COL19A1: variants seen among roughly 807,000 people sequenced by gnomAD.
The protein encoded by COL19A1 is collagen alpha-1(XIX) chain.
A neutral mutation model predicts 190.2 loss-of-function variants in COL19A1; 159 were observed. The ratio of observed to expected loss-of-function variants is 0.84; its 90% CI spans 0.73 to 0.95. COL19A1 has a LOEUF of 0.95. Ranked by LOEUF, COL19A1 falls within the 40% of genes least tolerant of loss-of-function variation. The pLI is 0.00. For missense variants in COL19A1, 1,418 were observed against 1,431.9 expected (o/e 0.99, Z 0.16); for synonymous variants, 509 against 458.9 (o/e 1.11, Z -1.39).
chr6:69,935,010 T>C (rs562319470), intron 7 of COL19A1, among the ~76,000 whole-genome samples: 1 of 152,126 alleles, frequency 6.6e-6, no homozygotes, highest in South Asian at 2.1e-4. Context: ...GTTGTCAATA[T>C]TTTATAAAGC....
chr6:70,171,342 A>T (rs1449085328), intron 40 of COL19A1, among the ~76,000 whole-genome samples: 2 of 152,150 alleles, frequency 1.3e-5, no homozygotes, highest in Non-Finnish European at 2.9e-5. Flanking sequence ...GAGGATCTAC[A>T]GGCTCCAGCT....
intron 12 of COL19A1, among the ~76,000 whole-genome samples, chr6:70,030,399 A>G (rs7763659): frequency 0.024 from 3,616 of 152,248 alleles, 139 homozygotes; most frequent in African/African-American, 0.082. Context: ...CCAGAACTCA[A>G]TGTGAGAACT....
At chr6:70,159,083 A>C (rs1230969071) in intron 34 of COL19A1, among the ~76,000 whole-genome samples, 1 of 151,930 alleles carries the variant, frequency 6.6e-6, no homozygotes, top group Non-Finnish European at 1.5e-5. Context: ...CAAGCTTATA[A>C]ATTAGACTAT....
At position 69,921,542 on chromosome 6, in the gene COL19A1, ATATATATTCATATATATATTCG is replaced by A. The variant is rs1275409868; in HGVS notation, c.267-6349_267-6328del. ...TATTCATATATATTCATGTATATTC[ATATATATTCATATATATATTCG>A]TATATATTCATATATATTCGCACAT... is the stretch of plus-strand genomic sequence containing the variant. On this transcript the variant is annotated intron_variant, in intron 4 of 50. Transcript: ENST00000620364. 3.7e-5 allele frequency among the ~76,000 whole-genome samples: 5 copies of A among 135,194 alleles called. No homozygotes were observed. The Admixed American group carries it at 3.9e-4, about 11-fold the overall frequency. 88.7% of individuals were successfully genotyped at this position (135,194 alleles called of 152,430 possible).
intron 11 of COL19A1, among the ~76,000 whole-genome samples, chr6:69,975,405 C>A (rs1184032615): frequency 6.6e-6 from 1 of 152,120 alleles, no homozygotes; most frequent in Admixed American, 6.5e-5. Context: ...CATCCTGGCT[C>A]CTGGACAGCT....
At chr6:69,971,805 T>A (rs2150055665) in intron 11 of COL19A1, among the ~76,000 whole-genome samples, 1 of 152,338 alleles carries the variant, frequency 6.6e-6, no homozygotes, top group East Asian at 1.9e-4. Context: ...TCTCTCCATC[T>A]ACCCCAGTGT....
At position 70,168,559 on chromosome 6, in the gene COL19A1, C is replaced by T. The variant is rs993511106; in HGVS notation, c.2542-96C>T. On this transcript the variant is annotated intron_variant, in intron 39 of 50. Transcript: ENST00000620364. ...AATTAAAGCAAAACTTGCTAATATT[C>T]GTATGTGTATTAAGGCAAATTGGAC... 1.1e-4 allele frequency: 125 copies of T among 1,094,180 alleles called. No homozygotes were observed. The African/African-American group carries it at 1.5e-3, about 13-fold the overall frequency. 67.8% of individuals were successfully genotyped at this position (1,094,180 alleles called of 1,614,324 possible).
chr6:69,897,144 G>GT (rs1210781815), intron 2 of COL19A1, among the ~76,000 whole-genome samples: 12 of 152,240 alleles, frequency 7.9e-5, no homozygotes, highest in Admixed American at 3.3e-4. Flanking sequence ...TCTTTAGTTA[G>GT]TTTTTGTGCA....
Position 70,156,336 on chromosome 6 carries a change from T to A in COL19A1, c.2205T>A (p.Gly735=). 1 of 1,613,140 alleles carries A rather than the reference T, an allele frequency of 6.2e-7. No homozygotes were observed. Among genetic ancestry groups the A allele is most frequent in the East Asian group, 2.2e-5 (1 of 44,822 alleles). ...MARKGDIGPR[G]PPGIPGREGP... The stretch of plus-strand genomic sequence containing the variant: ...TCTAGGGTGATATAGGGCCACGGGG[T>A]CCTCCAGGAATCCCAGGAAGAGAGG... The change falls in exon 33 of 51, where the codon GGT becomes GGA. Residue 735 remains glycine, a synonymous_variant. Coordinates refer to ENST00000620364, the MANE Select transcript of COL19A1 (RefSeq NM_001858.6).
chr6:69,901,000 G>A (rs1770155456), intron 4 of COL19A1, among the ~76,000 whole-genome samples: 1 of 152,050 alleles, frequency 6.6e-6, no homozygotes, highest in African/African-American at 2.4e-5. Flanking sequence ...CCATATAGTT[G>A]GCAATAATTA....
At chr6:70,093,970 T>C (rs1783087250) in intron 15 of COL19A1, among the ~76,000 whole-genome samples, 1 of 152,198 alleles carries the variant, frequency 6.6e-6, no homozygotes, top group Non-Finnish European at 1.5e-5. Flanking sequence ...TTTCCTTAGC[T>C]CTGAACCTAT....
At chr6:70,204,589 G>A (rs1037384100) in intron 49 of COL19A1, among the ~76,000 whole-genome samples, 4 of 152,222 alleles carry the variant, frequency 2.6e-5, no homozygotes, top group East Asian at 1.9e-4. Context: ...CACATGAACC[G>A]AAATGCATGC....
intron 2 of COL19A1, among the ~76,000 whole-genome samples, chr6:69,896,026 G>A (rs192257055): frequency 6.6e-6 from 1 of 152,150 alleles, no homozygotes; most frequent in African/African-American, 2.4e-5. Context: ...TATATATTTA[G>A]CTTTAGTAAA....
At chr6:70,192,835 A>G (rs556270) in intron 48 of COL19A1, among the ~76,000 whole-genome samples, 108,173 of 151,794 alleles carry the variant, frequency 0.71, 39,325 homozygotes, top group African/African-American at 0.86. Flanking sequence ...AATCTCAGAT[A>G]GTATCCATGC....
Position 70,210,067 on chromosome 6 carries a change from G to A in COL19A1, c.*2793G>A, listed in dbSNP as rs1020832101. The A allele has an allele frequency of 6.6e-5, 10 of 152,122 alleles. No homozygotes were observed. Among genetic ancestry groups the A allele is most frequent in the African/African-American group, 2.4e-4 (10 of 41,444 alleles). 9.4% of individuals were successfully genotyped at this position (152,122 alleles called of 1,614,324 possible). On this transcript the variant is annotated 3_prime_UTR_variant, in exon 51 of 51. Coordinates refer to ENST00000620364, the MANE Select transcript of COL19A1 (RefSeq NM_001858.6). ...GATGTTAATGATGTTCAAAGCAGGG[G>A]AGAAGAATTATTCAATTTCATGAAT...
intron 11 of COL19A1, among the ~76,000 whole-genome samples, chr6:69,965,801 C>T (rs1385215914): frequency 3.3e-5 from 5 of 152,144 alleles, no homozygotes; most frequent in Non-Finnish European, 5.9e-5. Flanking sequence ...TTCACCATCC[C>T]TAGCTGGCAA....
intron 4 of COL19A1, among the ~76,000 whole-genome samples, chr6:69,915,198 A>G (rs570004594): frequency 6.6e-6 from 1 of 152,352 alleles, no homozygotes; most frequent in South Asian, 2.1e-4. Context: ...TATACTAATA[A>G]GTAAACAAAT....
intron 4 of COL19A1, among the ~76,000 whole-genome samples, chr6:69,903,327 T>C (rs7747604): frequency 0.15 from 23,580 of 152,152 alleles, 2,273 homozygotes; most frequent in African/African-American, 0.26. Flanking sequence ...CATGGCCTTA[T>C]CTTGCATTAG....
intron 4 of COL19A1, among the ~76,000 whole-genome samples, chr6:69,925,717 G>A (rs1285003458): frequency 1.1e-4 from 16 of 152,118 alleles, no homozygotes; most frequent in African/African-American, 1.9e-4. Context: ...CCTATCCATG[G>A]GCATGGAATG....
Sources: allele counts gnomAD v4.1 joint callset (sites outside exome capture counted in the v4.1 genomes callset), GRCh38; gene constraint gnomAD v4.1.1; transcripts MANE v1.5; gene names NCBI Gene and HGNC (gene_info 2026-07-23, HGNC 2026-07-21).